The following TINAG variants were observed in gnomAD, a reference collection of about 807,000 sequenced individuals.
TINAG encodes tubulointerstitial nephritis antigen.
A neutral mutation model predicts 72.7 loss-of-function variants in TINAG; 83 were observed. That is an observed-to-expected ratio of 1.14 (90% CI 0.96 to 1.37). The LOEUF (loss-of-function observed/expected upper bound fraction) is 1.37. Ranked by LOEUF, TINAG falls within the 40% of genes most tolerant of loss-of-function variation. The pLI, the probability that TINAG is intolerant of heterozygous loss-of-function variation, is 0.00. For synonymous variants in TINAG, 234 were observed against 189.9 expected (o/e 1.23, Z -1.91); for missense variants, 685 against 576.6 (o/e 1.19, Z -1.93).
Position 54,373,620 on chromosome 6 carries a change from C to T in TINAG, c.1251-6906C>T, listed in dbSNP as rs185860896. Among the ~76,000 whole-genome samples, 9 of 152,110 alleles carry T rather than the reference C, an allele frequency of 5.9e-5. No homozygotes were observed. In the East Asian group the frequency reaches 1.5e-3, roughly 26 times the overall value. On this transcript the variant is annotated intron_variant, in intron 9 of 10. Coordinates refer to ENST00000259782, the MANE Select transcript of TINAG (RefSeq NM_014464.4). ...TTAGAGTCTGATTGGTTTTGTGGGC[C>T]ATGGGGTCTTGGCTACTCAATTCTA...
chr6:54,340,467 C>T (rs1028264567), intron 4 of TINAG, among the ~76,000 whole-genome samples: 1 of 151,790 alleles, frequency 6.6e-6, no homozygotes, highest in African/African-American at 2.4e-5. Context: ...TCCTAACAGC[C>T]ATTATTCTGT....
rs561189738 is a variant in TINAG at position 54,343,217 on chromosome 6, C to G, written c.625-9C>G. The G allele has an allele frequency of 2.0e-5, 31 of 1,536,110 alleles. No homozygotes were observed. Among genetic ancestry groups the G allele is most frequent in the Non-Finnish European group, 2.6e-5 (30 of 1,139,024 alleles). On this transcript the variant is annotated splice_polypyrimidine_tract_variant and intron_variant, in intron 4 of 10. Coordinates refer to ENST00000259782, the MANE Select transcript of TINAG (RefSeq NM_014464.4). ...AAATCTCATATATGTACCTCTTCTT[C>G]CTCTTTAGGCTTCTTTACCTGCAAC...
At chr6:54,311,285 C>T (rs565533457) in intron 1 of TINAG, among the ~76,000 whole-genome samples, 47 of 152,230 alleles carry the variant, frequency 3.1e-4, no homozygotes, top group African/African-American at 9.6e-4. Context: ...CCCTTCATCT[C>T]ATCTAACTCC....
chr6:54,373,444 T>C (rs1010232048), intron 9 of TINAG, among the ~76,000 whole-genome samples: 3 of 152,168 alleles, frequency 2.0e-5, no homozygotes, highest in African/African-American at 7.2e-5. Flanking sequence ...CTACTCTTTT[T>C]CTGCCTTTTT....
chr6:54,382,415 T>A (rs1289988001), intron 10 of TINAG, among the ~76,000 whole-genome samples: 1 of 152,072 alleles, frequency 6.6e-6, no homozygotes, highest in East Asian at 1.9e-4. Context: ...AATGAGCAAA[T>A]GAATAATTTT....
chr6:54,354,842 T>A (rs2150963040), intron 9 of TINAG, among the ~76,000 whole-genome samples: 1 of 152,016 alleles, frequency 6.6e-6, no homozygotes, highest in East Asian at 1.9e-4. Flanking sequence ...GATCTTTTCC[T>A]ACCTCTCACT....
At chr6:54,369,054 C>T (rs897977034) in intron 9 of TINAG, among the ~76,000 whole-genome samples, 8 of 151,716 alleles carry the variant, frequency 5.3e-5, no homozygotes, top group Admixed American at 6.6e-5. Context: ...AGTTTTGAAT[C>T]GAACATTCCT....
intron 7 of TINAG, among the ~76,000 whole-genome samples, chr6:54,350,336 C>G (rs1471492641): frequency 6.6e-6 from 1 of 151,894 alleles, no homozygotes; most frequent in Non-Finnish European, 1.5e-5. Context: ...CTGTTAAAAG[C>G]CTAGGCGAAT....
chr6:54,338,661 T>C (rs1582717536), intron 4 of TINAG, among the ~76,000 whole-genome samples: 1 of 143,348 alleles, frequency 7.0e-6, no homozygotes, highest in Non-Finnish European at 1.5e-5. Flanking sequence ...GAGGCGGAGG[T>C]TGCAGTGAGC....
At chr6:54,358,290 A>G (rs182639630) in intron 9 of TINAG, among the ~76,000 whole-genome samples, 2 of 151,946 alleles carry the variant, frequency 1.3e-5, no homozygotes, top group East Asian at 3.9e-4. Flanking sequence ...AACACAGTGT[A>G]TAATTTAATT....
intron 9 of TINAG, among the ~76,000 whole-genome samples, chr6:54,373,995 T>G (rs1343137948): frequency 1.3e-5 from 2 of 152,122 alleles, no homozygotes; most frequent in African/African-American, 4.8e-5. Context: ...TTAATGCATA[T>G]TCTGTCAGCA....
intron 9 of TINAG, among the ~76,000 whole-genome samples, chr6:54,369,471 A>G (rs1177115413): frequency 1.3e-5 from 2 of 151,924 alleles, no homozygotes; most frequent in Admixed American, 6.6e-5. Flanking sequence ...TACTATATAA[A>G]TAAATTTTAA....
intron 9 of TINAG, among the ~76,000 whole-genome samples, chr6:54,356,471 A>T (rs1763044800): frequency 6.6e-6 from 1 of 151,978 alleles, no homozygotes; most frequent in Non-Finnish European, 1.5e-5. Context: ...CTAGAAGTGG[A>T]GGTTGCAGTG....
chr6:54,373,880 A>G (rs953090973), intron 9 of TINAG, among the ~76,000 whole-genome samples: 2 of 152,126 alleles, frequency 1.3e-5, no homozygotes, highest in Non-Finnish European at 2.9e-5. Flanking sequence ...GTTTCTCTTC[A>G]TAAGATATTA....
intron 10 of TINAG, among the ~76,000 whole-genome samples, chr6:54,381,474 G>T (rs1317106064): frequency 6.6e-6 from 1 of 151,958 alleles, no homozygotes; most frequent in Non-Finnish European, 1.5e-5. Flanking sequence ...GCTAGAACTT[G>T]TACTCATCAG....
In TINAG at chr6:54,308,474, A is replaced by C. The variant is rs766416906; in HGVS notation, c.-77A>C. On this transcript the variant is annotated 5_prime_UTR_variant, in exon 1 of 11. Coordinates refer to ENST00000259782, the MANE Select transcript of TINAG (RefSeq NM_014464.4). Reference sequence around the variant, plus strand: ...TGAAGTGTCTTAATGACTAGAATTCAGGTTCCAAGGAGAAGCCCACAAGGC... The same window carrying C: ...TGAAGTGTCTTAATGACTAGAATTCCGGTTCCAAGGAGAAGCCCACAAGGC... The C allele has an allele frequency of 5.6e-6, 7 of 1,243,744 alleles. No homozygotes were observed. Among genetic ancestry groups the C allele is most frequent in the Non-Finnish European group, 7.8e-6 (7 of 894,588 alleles). The allele number at this position is 1,243,744 out of a possible 1,614,324, so 77.0% of individuals were successfully genotyped here.
At chr6:54,347,170 T>C (rs1162318684) in intron 5 of TINAG, among the ~76,000 whole-genome samples, 197 bp from the exon 6 acceptor site, 1 of 151,978 alleles carries the variant, frequency 6.6e-6, no homozygotes, top group African/African-American at 2.4e-5. Context: ...AATATCAAAA[T>C]AGGACAAAAA....
At chr6:54,337,168 G>A (rs1240274433) in intron 4 of TINAG, among the ~76,000 whole-genome samples, 2 of 150,138 alleles carry the variant, frequency 1.3e-5, no homozygotes, top group East Asian at 3.9e-4. Context: ...TGACAGCCAA[G>A]TACTGAGGCA....
chr6:54,313,851 T>C (rs1186070403), intron 1 of TINAG, among the ~76,000 whole-genome samples: 1 of 151,996 alleles, frequency 6.6e-6, no homozygotes, highest in Non-Finnish European at 1.5e-5. Context: ...TATCAAAGTA[T>C]TATTGTTTAT....
Sources: gnomAD v4.1 joint callset for allele counts (sites outside exome capture counted in the v4.1 genomes callset) on GRCh38, gnomAD v4.1.1 for gene constraint, MANE v1.5 for transcripts, NCBI Gene and HGNC (gene_info 2026-07-23, HGNC 2026-07-21) for gene names.